The following DLGAP2 variants were observed in gnomAD, a reference collection of about 807,000 sequenced individuals.
The protein encoded by DLGAP2 is disks large-associated protein 2.
A neutral mutation model predicts 100.3 loss-of-function variants in DLGAP2; 26 were observed. That is an observed-to-expected ratio of 0.26 (90% CI 0.19 to 0.36). The LOEUF (loss-of-function observed/expected upper bound fraction) is 0.36, where lower values mean the gene tolerates loss of function less well. DLGAP2 is among the 10% of genes least tolerant of loss of function. The pLI, the probability that DLGAP2 is intolerant of heterozygous loss-of-function variation, is 1.00. For missense variants in DLGAP2, 1,858 were observed against 1,453.2 expected, an observed-to-expected ratio of 1.28 and a Z score of -4.53; for synonymous variants, 886 against 630.1, an observed-to-expected ratio of 1.41 and a Z score of -6.08.
At chr8:1,495,137 GC>G (rs1158835093) in intron 3 of DLGAP2, among the ~76,000 whole-genome samples, 3 of 152,216 alleles carry the variant, frequency 2.0e-5, no homozygotes, top group African/African-American at 7.2e-5. Context: ...TCAGACGGGG[GC>G]CAGCGTCAAG....
At chr8:808,308 G>A (rs926741673) in intron 1 of DLGAP2, among the ~76,000 whole-genome samples, 1 of 152,202 alleles carries the variant, frequency 6.6e-6, no homozygotes, top group African/African-American at 2.4e-5. Flanking sequence ...TGTGCACCAC[G>A]CCAGGAGAGT....
chr8:1,564,072 G>C (rs1192812591), intron 5 of DLGAP2, among the ~76,000 whole-genome samples: 1 of 152,236 alleles, frequency 6.6e-6, no homozygotes, highest in South Asian at 2.1e-4. Flanking sequence ...ACAGACTGTG[G>C]GTGATGAGCT....
At chr8:1,198,427 G>A (rs1202343296) in intron 2 of DLGAP2, among the ~76,000 whole-genome samples, 2 of 151,900 alleles carry the variant, frequency 1.3e-5, no homozygotes, top group Non-Finnish European at 2.9e-5. Flanking sequence ...GTGTGCAGAG[G>A]GAGCGCAGGT....
intron 2 of DLGAP2, among the ~76,000 whole-genome samples, chr8:1,052,920 T>C (rs1016533184): frequency 6.6e-6 from 1 of 152,206 alleles, no homozygotes; most frequent in African/African-American, 2.4e-5. Flanking sequence ...AATGTCTATA[T>C]AGAGAACCAG....
intron 6 of DLGAP2, among the ~76,000 whole-genome samples, chr8:1,606,079 C>A (rs141679390): frequency 2.3e-3 from 347 of 152,316 alleles, no homozygotes; most frequent in African/African-American, 8.1e-3. Context: ...AACTCTGCTG[C>A]CCCAGAGCTC....
At chr8:1,130,414 A>G (rs1036125149) in intron 2 of DLGAP2, among the ~76,000 whole-genome samples, 1 of 152,220 alleles carries the variant, frequency 6.6e-6, no homozygotes, top group Non-Finnish European at 1.5e-5. Context: ...GTAAAACAAT[A>G]TCAACAAGAT....
intron 3 of DLGAP2, among the ~76,000 whole-genome samples, chr8:1,346,588 G>C (rs1801563014): frequency 6.6e-6 from 1 of 151,814 alleles, no homozygotes; most frequent in Admixed American, 6.6e-5. Flanking sequence ...ATACACATCT[G>C]CATTGCTCTC....
intron 1 of DLGAP2, among the ~76,000 whole-genome samples, chr8:895,770 G>A (rs1455422643): frequency 6.6e-6 from 1 of 152,024 alleles, no homozygotes; most frequent in East Asian, 1.9e-4. Flanking sequence ...GTGGGGCAGT[G>A]GTGAGAGGTG....
chr8:1,515,489 CAG>C (rs1423757771), intron 4 of DLGAP2, among the ~76,000 whole-genome samples: 1 of 152,106 alleles, frequency 6.6e-6, no homozygotes, highest in Non-Finnish European at 1.5e-5. Flanking sequence ...AATATGCAGA[CAG>C]AAATGTGCAC....
chr8:1,469,326 G>A (rs890691721), intron 3 of DLGAP2, among the ~76,000 whole-genome samples: 1 of 152,226 alleles, frequency 6.6e-6, no homozygotes, highest in Non-Finnish European at 1.5e-5. Flanking sequence ...TCCCTGCCCA[G>A]CAGGCCCCGT....
chr8:1,411,102 G>C (rs566457240), intron 3 of DLGAP2, among the ~76,000 whole-genome samples: 2 of 152,184 alleles, frequency 1.3e-5, no homozygotes, highest in East Asian at 3.9e-4. Flanking sequence ...GTTCCTTTCA[G>C]GTATTCAGTC....
chr8:1,164,928 G>T (rs1313827397), intron 2 of DLGAP2, among the ~76,000 whole-genome samples: 1 of 152,108 alleles, frequency 6.6e-6, no homozygotes, highest in Non-Finnish European at 1.5e-5. Context: ...TGCAATCGTG[G>T]AAAATGATAA....
intron 4 of DLGAP2, among the ~76,000 whole-genome samples, chr8:1,513,420 G>T (rs1800248720): frequency 6.6e-6 from 1 of 152,216 alleles, no homozygotes; most frequent in Non-Finnish European, 1.5e-5. Context: ...CAGCCCCACG[G>T]AGGCTCGGTG....
intron 1 of DLGAP2, among the ~76,000 whole-genome samples, chr8:865,545 T>C (rs768315954): frequency 6.6e-6 from 1 of 152,240 alleles, no homozygotes; most frequent in Non-Finnish European, 1.5e-5. Context: ...TTCCAAAATC[T>C]ATAATTCTTC....
At chr8:1,040,182 C>CTG (rs1802289652) in intron 2 of DLGAP2, among the ~76,000 whole-genome samples, 1 of 110,748 alleles carries the variant, frequency 9.0e-6, no homozygotes, top group African/African-American at 3.9e-5. Flanking sequence ...AGCTCGGTTT[C>CTG]CATGGTCAGC....
At chr8:965,826 C>T (rs1397867554) in intron 2 of DLGAP2, among the ~76,000 whole-genome samples, 1 of 151,374 alleles carries the variant, frequency 6.6e-6, no homozygotes, top group South Asian at 2.1e-4. Flanking sequence ...GCGCTGTACA[C>T]GGCACTGTTC....
chr8:812,721 C>G (rs924919992), intron 1 of DLGAP2, among the ~76,000 whole-genome samples: 1 of 151,962 alleles, frequency 6.6e-6, no homozygotes, highest in African/African-American at 2.4e-5. Context: ...TTGATAAGGA[C>G]GGGGATAACA....
At chr8:995,368 T>C (rs1800755701) in intron 2 of DLGAP2, among the ~76,000 whole-genome samples, 2 of 152,212 alleles carry the variant, frequency 1.3e-5, no homozygotes, top group African/African-American at 2.4e-5. Flanking sequence ...CAATGAAATA[T>C]TATAGTAACT....
chr8:1,432,353 A>C (rs1307873109), intron 3 of DLGAP2, among the ~76,000 whole-genome samples: 1 of 152,232 alleles, frequency 6.6e-6, no homozygotes, highest in Non-Finnish European at 1.5e-5. Flanking sequence ...ACCTTAAAAA[A>C]ATAATGGTAG....
Sources: allele counts gnomAD v4.1 joint callset (sites outside exome capture counted in the v4.1 genomes callset), GRCh38; gene constraint gnomAD v4.1.1; transcripts MANE v1.5; gene names NCBI Gene and HGNC (gene_info 2026-07-23, HGNC 2026-07-21).